AKAP19: variants seen among roughly 807,000 people sequenced by gnomAD.
The protein encoded by AKAP19 is A-kinase anchoring protein 19.
At chr2:190,160,000 T>G in the AKAP19 span, among the ~76,000 whole-genome samples, 1 of 152,224 alleles carries the variant, frequency 6.6e-6, no homozygotes, top group African/African-American at 2.4e-5. Flanking sequence ...TTTCTTTTAG[T>G]ATTTCAGTGT....
At chr2:189,943,819 T>A in the AKAP19 span, among the ~76,000 whole-genome samples, 56 of 152,330 alleles carry the variant, frequency 3.7e-4, no homozygotes, top group Non-Finnish European at 1.3e-4. Flanking sequence ...CTTTAAGATT[T>A]AATGACTGCC....
chr2:189,890,584 T>A, the AKAP19 span, among the ~76,000 whole-genome samples: 1 of 152,242 alleles, frequency 6.6e-6, no homozygotes, highest in African/African-American at 2.4e-5. Flanking sequence ...AAGAACTTGC[T>A]TTATGAATCT....
the AKAP19 span, among the ~76,000 whole-genome samples, chr2:190,047,192 C>T: frequency 2.0e-5 from 3 of 152,134 alleles, 1 homozygote; most frequent in East Asian, 5.8e-4. Context: ...ATCTTTCCAG[C>T]CATTCTGAAC....
the AKAP19 span, among the ~76,000 whole-genome samples, chr2:190,185,311 T>G: frequency 6.6e-6 from 1 of 152,230 alleles, no homozygotes; most frequent in South Asian, 2.1e-4. Context: ...TGAATCAAAC[T>G]GATAAAAGAG....
chr2:190,057,968 G>GGA, the AKAP19 span, among the ~76,000 whole-genome samples: 1 of 151,916 alleles, frequency 6.6e-6, no homozygotes, highest in African/African-American at 2.4e-5. Flanking sequence ...AAGGAAGAAA[G>GGA]GAGAGAGAGA....
chr2:189,894,916 A>G, the AKAP19 span, among the ~76,000 whole-genome samples: 1 of 151,690 alleles, frequency 6.6e-6, no homozygotes, highest in Admixed American at 6.6e-5. Flanking sequence ...AAAAGTACCA[A>G]TTACAATTTA....
At chr2:190,034,583 G>C in the AKAP19 span, among the ~76,000 whole-genome samples, 2 of 135,946 alleles carry the variant, frequency 1.5e-5, no homozygotes, top group East Asian at 4.7e-4. Context: ...AGTGACTCAC[G>C]CCTGTAACCC....
At chr2:189,967,227 T>C in the AKAP19 span, among the ~76,000 whole-genome samples, 4 of 152,180 alleles carry the variant, frequency 2.6e-5, no homozygotes, top group Admixed American at 1.3e-4. Flanking sequence ...AGAAACAAGA[T>C]AGAAGAAACC....
chr2:189,941,242 T>TA, the AKAP19 span, among the ~76,000 whole-genome samples: 6 of 152,136 alleles, frequency 3.9e-5, no homozygotes, highest in African/African-American at 1.2e-4. Context: ...ACTTCAATCT[T>TA]AAAAAAACCA....
chr2:190,022,193 C>T, the AKAP19 span, among the ~76,000 whole-genome samples: 30,974 of 152,014 alleles, frequency 0.2, 3,395 homozygotes, highest in African/African-American at 0.29. Flanking sequence ...GATTAAATTT[C>T]AACATGAATT....
At chr2:189,887,586 A>G in the AKAP19 span, among the ~76,000 whole-genome samples, 1 of 152,200 alleles carries the variant, frequency 6.6e-6, no homozygotes, top group Non-Finnish European at 1.5e-5. Flanking sequence ...ACTCCTGCCA[A>G]CAGCATAAAA....
chr2:190,132,105 G>A, the AKAP19 span, among the ~76,000 whole-genome samples: 1 of 151,948 alleles, frequency 6.6e-6, no homozygotes, highest in East Asian at 1.9e-4. Flanking sequence ...AACCAAAGAG[G>A]TGAAAGAACT....
chr2:190,086,098 TG>T, the AKAP19 span, among the ~76,000 whole-genome samples: 4 of 152,246 alleles, frequency 2.6e-5, no homozygotes, highest in African/African-American at 7.2e-5. Flanking sequence ...ATCCTTCACT[TG>T]TGTTTCCCTT....
chr2:190,073,705 A>C, the AKAP19 span, among the ~76,000 whole-genome samples: 2 of 151,982 alleles, frequency 1.3e-5, no homozygotes, highest in Non-Finnish European at 2.9e-5. Flanking sequence ...ATATTATAGG[A>C]CCAGTGTTTC....
the AKAP19 span, chr2:190,203,188 CTCTT>C: frequency 6.0e-6 from 1 of 166,998 alleles, no homozygotes; most frequent in South Asian, 2.1e-4. Context: ...AAGTTAGAGA[CTCTT>C]TATAAGTAAT....
At chr2:190,077,881 C>T in the AKAP19 span, among the ~76,000 whole-genome samples, 54 of 152,260 alleles carry the variant, frequency 3.5e-4, no homozygotes, top group South Asian at 9.1e-3. Flanking sequence ...ATTATTAATG[C>T]GTGACCTTTC....
At chr2:190,081,969 G>A in the AKAP19 span, among the ~76,000 whole-genome samples, 3 of 152,082 alleles carry the variant, frequency 2.0e-5, no homozygotes, top group Admixed American at 1.3e-4. Flanking sequence ...ATAGAAACCA[G>A]CCCTTTCTGA....
chr2:189,917,472 C>G, the AKAP19 span: 1 of 691,468 alleles, frequency 1.4e-6, no homozygotes, highest in South Asian at 1.6e-5. Flanking sequence ...TACTGGTTGA[C>G]TCTTTGAAAC....
the AKAP19 span, among the ~76,000 whole-genome samples, chr2:189,973,131 GC>G: frequency 6.6e-6 from 1 of 152,196 alleles, no homozygotes; most frequent in African/African-American, 2.4e-5. Flanking sequence ...GTCATAAATA[GC>G]TCTTATTATT....
Sources: gnomAD v4.1 joint callset for allele counts (sites outside exome capture counted in the v4.1 genomes callset) on GRCh38, gnomAD v4.1.1 for gene constraint, MANE v1.5 for transcripts, NCBI Gene and HGNC (gene_info 2026-07-23, HGNC 2026-07-21) for gene names.